The following ZHX2 variants were observed in gnomAD, a reference collection of about 807,000 sequenced individuals.
The protein encoded by ZHX2 is zinc fingers and homeoboxes protein 2.
ZHX2 carries 6 observed loss-of-function variants against 21.9 expected under a neutral mutation model. That is an observed-to-expected ratio of 0.27 (90% CI 0.15 to 0.54). The LOEUF (loss-of-function observed/expected upper bound fraction) is 0.54, where lower values mean the gene tolerates loss of function less well. ZHX2 is among the 20% of genes least tolerant of loss of function. The pLI, the probability that ZHX2 is intolerant of heterozygous loss-of-function variation, is 0.95. For missense variants in ZHX2, 908 were observed against 1,090.7 expected, an observed-to-expected ratio of 0.83 and a Z score of 2.36; for synonymous variants, 434 against 437.1, an observed-to-expected ratio of 0.99 and a Z score of 0.09.
At position 122,782,596 on chromosome 8, in the gene ZHX2, T is replaced by G. The variant is rs1465050351; in HGVS notation, c.-283+650T>G. Among the ~76,000 whole-genome samples the G allele has an allele frequency of 6.6e-6, 1 of 152,116 alleles. No homozygotes were observed. Among genetic ancestry groups the G allele is most frequent in the Non-Finnish European group, 1.5e-5 (1 of 67,992 alleles). On this transcript the variant is annotated intron_variant, in intron 1 of 3. Transcript: ENST00000314393. The surrounding 1 kb of genome is among the most constrained non-coding windows in gnomAD (Gnocchi z 5.3). The stretch of plus-strand genomic sequence containing the variant: ...CATGACGCCGTGGGCCGAGGCTGCC[T>G]CTGCTCTCGTCGCTCCCGGCGGCTG...
In ZHX2 at chr8:122,953,336, G is replaced by A; in HGVS notation, c.1826G>A (p.Gly609Asp). The A allele has an allele frequency of 6.2e-7, 1 of 1,614,020 alleles. No homozygotes were observed. The highest frequency in any genetic ancestry group is 2.2e-5 in the East Asian group (1 of 44,838). The change falls in exon 3 of 4, where the codon GGT becomes GAT. Residue 609 changes from glycine (G) to aspartate (D), a missense_variant. Transcript: ENST00000314393. This position sits in a 1 kb window ranked among gnomAD's most constrained non-coding sequence, Gnocchi z 4.6. Reference protein sequence around the residue: ...KKGQDVGAPNGALSRLDQLSG... With the variant: ...KKGQDVGAPNDALSRLDQLSG... The stretch of plus-strand genomic sequence containing the variant: ...GGCCAAGATGTGGGAGCCCCCAATG[G>A]TGCTCTGTCTCGACTCGACCAGCTC...
At chr8:122,916,879 C>T (rs1047276953) in intron 2 of ZHX2, among the ~76,000 whole-genome samples, 2 of 152,094 alleles carry the variant, frequency 1.3e-5, no homozygotes, top group African/African-American at 2.4e-5. Context: ...CCTCCATCCA[C>T]CCCAAATCCA....
At chr8:122,793,888 G>C (rs1817569819) in intron 1 of ZHX2, among the ~76,000 whole-genome samples, 1 of 152,186 alleles carries the variant, frequency 6.6e-6, no homozygotes, top group African/African-American at 2.4e-5. Context: ...CCAGCCCTGT[G>C]CACACACCAT....
chr8:122,860,105 G>T (rs1007061811), intron 1 of ZHX2, among the ~76,000 whole-genome samples: 2 of 152,188 alleles, frequency 1.3e-5, no homozygotes, highest in Admixed American at 1.3e-4. Flanking sequence ...CATGGTGGAA[G>T]GGGAAGCAAG....
intron 2 of ZHX2, among the ~76,000 whole-genome samples, chr8:122,873,647 C>G (rs1271340933): frequency 6.6e-6 from 1 of 152,210 alleles, no homozygotes; most frequent in African/African-American, 2.4e-5. Flanking sequence ...CTAATGGCTG[C>G]TATAACATAT....
chr8:122,869,317 C>T (rs1819374373), intron 2 of ZHX2, among the ~76,000 whole-genome samples: 1 of 142,758 alleles, frequency 7.0e-6, no homozygotes, highest in Non-Finnish European at 1.5e-5. Flanking sequence ...CTCTCCTCAT[C>T]CTTTTTTGTT....
chr8:122,803,466 G>A (rs184836755), intron 1 of ZHX2, among the ~76,000 whole-genome samples: 137 of 152,266 alleles, frequency 9.0e-4, no homozygotes, highest in African/African-American at 2.7e-3. Flanking sequence ...ATCTCAGCCC[G>A]TTCTGGCCTG....
intron 3 of ZHX2, among the ~76,000 whole-genome samples, chr8:122,966,617 G>A (rs1813591967): frequency 6.6e-6 from 1 of 152,144 alleles, no homozygotes; most frequent in Non-Finnish European, 1.5e-5. Context: ...TAGATAACCT[G>A]ATGACCATGT....
intron 1 of ZHX2, among the ~76,000 whole-genome samples, chr8:122,789,042 C>T (rs1251995403): frequency 1.3e-5 from 2 of 152,198 alleles, no homozygotes; most frequent in East Asian, 1.9e-4. Context: ...AAGGAATCCC[C>T]GTGGGCTGAA....
chr8:122,898,591 G>A lies in ZHX2; in HGVS notation c.-220+35052G>A, dbSNP rs555604863. Among the ~76,000 whole-genome samples, 78 of 152,188 alleles carry A rather than the reference G, an allele frequency of 5.1e-4. 1 individual carries two copies. The South Asian group carries it at 0.015, about 30-fold the overall frequency. On this transcript the variant is annotated intron_variant, in intron 2 of 3. Coordinates refer to ENST00000314393, the MANE Select transcript of ZHX2 (RefSeq NM_014943.5). ...ATCCATCACAAGCTCCACATTTTAG[G>A]ATTATTTTGCTTCAAGTCCAAATAG...
chr8:122,836,311 G>T (rs1818495181), intron 1 of ZHX2, among the ~76,000 whole-genome samples: 1 of 152,148 alleles, frequency 6.6e-6, no homozygotes, highest in Non-Finnish European at 1.5e-5. Flanking sequence ...CAGTAGGCGA[G>T]ATCAGTGACC....
At chr8:122,808,598 G>C (rs1817866446) in intron 1 of ZHX2, 1 of 152,208 alleles carries the variant, frequency 6.6e-6, no homozygotes, top group African/African-American at 2.4e-5. Context: ...GTTGAGATTT[G>C]GGTGGGGACA....
At chr8:122,910,246 C>A (rs1250938372) in intron 2 of ZHX2, among the ~76,000 whole-genome samples, 1 of 152,094 alleles carries the variant, frequency 6.6e-6, no homozygotes, top group African/African-American at 2.4e-5. Flanking sequence ...CTTATTCAGT[C>A]CCCACTATGA....
At position 122,833,001 on chromosome 8, in the gene ZHX2, A is replaced by G. The variant is rs187482265; in HGVS notation, c.-282-30476A>G. Among the ~76,000 whole-genome samples, 306 of 152,270 alleles carry G rather than the reference A, an allele frequency of 2.0e-3. 1 individual carries two copies. The highest frequency in any genetic ancestry group is 7.0e-3 in the African/African-American group (291 of 41,548). On this transcript the variant is annotated intron_variant, in intron 1 of 3. Transcript: ENST00000314393. ...AAGGTCGCAAGCAAGGGCCTGTACG[A>G]AGAGGTGGGGGCTGTCTCTGAAACC...
At chr8:122,847,276 G>T (rs145421820) in intron 1 of ZHX2, among the ~76,000 whole-genome samples, 3 of 152,078 alleles carry the variant, frequency 2.0e-5, no homozygotes, top group African/African-American at 7.2e-5. Context: ...CACTTCTCCC[G>T]TCAAGTCTGC....
intron 1 of ZHX2, among the ~76,000 whole-genome samples, chr8:122,853,084 C>T (rs1305079075): frequency 1.3e-5 from 2 of 152,138 alleles, no homozygotes; most frequent in East Asian, 3.9e-4. Flanking sequence ...CTCTTCCTGC[C>T]TCCCACAAGT....
chr8:122,843,122 A>G (rs1405923281), intron 1 of ZHX2, among the ~76,000 whole-genome samples: 2 of 152,244 alleles, frequency 1.3e-5, no homozygotes, highest in East Asian at 3.8e-4. Flanking sequence ...GTAACTTTTT[A>G]AACAGAGACC....
intron 3 of ZHX2, among the ~76,000 whole-genome samples, chr8:122,967,944 A>G (rs1813624708): frequency 6.6e-6 from 1 of 152,122 alleles, no homozygotes; most frequent in South Asian, 2.1e-4. Context: ...GCAGGTAGAG[A>G]CAAACCATCA....
chr8:122,967,958 G>T (rs746412310), intron 3 of ZHX2, among the ~76,000 whole-genome samples: 3 of 152,186 alleles, frequency 2.0e-5, no homozygotes, highest in African/African-American at 7.2e-5. Context: ...ACCATCAGGT[G>T]GGGGCAGGGT....
Sources: gnomAD v4.1 joint callset for allele counts (sites outside exome capture counted in the v4.1 genomes callset) on GRCh38, gnomAD v4.1.1 for gene constraint, Gnocchi (gnomAD v3.1) non-coding constraint, MANE v1.5 for transcripts, NCBI Gene and HGNC (gene_info 2026-07-23, HGNC 2026-07-21) for gene names.